Variants in PFKFB2 observed in about 807,000 individuals in gnomAD.
PFKFB2 encodes the protein 6-phosphofructo-2-kinase/fructose-2,6-bisphosphatase 2.
A neutral mutation model predicts 68.0 loss-of-function variants in PFKFB2; 53 were observed. The observed-to-expected ratio is 0.78, with a 90% CI of 0.63 to 0.98. PFKFB2 has a LOEUF of 0.98. Among genes scored for constraint, PFKFB2 ranks in the 50% least tolerant of loss-of-function variants. The pLI, the probability that PFKFB2 is intolerant of heterozygous loss-of-function variation, is 0.00. For missense variants in PFKFB2, 451 were observed against 642.0 expected (o/e 0.70, Z 3.22); for synonymous variants, 222 against 227.6 (o/e 0.98, Z 0.22).
At position 207,075,763 on chromosome 1, in the gene PFKFB2, T is replaced by C. The variant is rs1349014957; in HGVS notation, c.*3392T>C. On this transcript the variant is annotated 3_prime_UTR_variant, in exon 15 of 15. Coordinates refer to ENST00000367080, the MANE Select transcript of PFKFB2 (RefSeq NM_006212.2). ...CACCTCTAAAAAAGTTTTTTATAAA[T>C]TTACTTGTCTAAAGTGGGGAAAGGG... The C allele has an allele frequency of 1.1e-5, 11 of 983,834 alleles. No homozygotes were observed. Among genetic ancestry groups the C allele is most frequent in the Non-Finnish European group, 1.3e-5 (11 of 828,492 alleles). 60.9% of individuals were successfully genotyped at this position (983,834 alleles called of 1,614,324 possible). A position where few individuals can be genotyped will look rare whatever the true frequency, so the allele number is the denominator to read the frequency against.
chr1:207,070,264 C>T lies in PFKFB2; in HGVS notation c.1093-16C>T. ...GCACCTGGGCTCCTGCCAGCCTGCCCCATTTCCCTCCACAGTCATACCAGG... is the reference window on the plus strand; with the variant it reads ...GCACCTGGGCTCCTGCCAGCCTGCCTCATTTCCCTCCACAGTCATACCAGG... On this transcript the variant is annotated splice_polypyrimidine_tract_variant and intron_variant, in intron 11 of 14. Transcript: ENST00000367080. This position sits in a 1 kb window ranked among gnomAD's most constrained non-coding sequence, Gnocchi z 4.2. 6.2e-7 allele frequency: 1 copy of T among 1,612,306 alleles called. No homozygotes were observed. The highest frequency in any genetic ancestry group is 8.5e-7 in the Non-Finnish European group (1 of 1,179,730).
chr1:207,065,998 T>C (rs1020307174), intron 8 of PFKFB2, among the ~76,000 whole-genome samples: 5 of 152,234 alleles, frequency 3.3e-5, no homozygotes, highest in Non-Finnish European at 5.9e-5. Context: ...ATTTTACATA[T>C]ATTAATGCTT....
At chr1:207,053,197 A>C (rs577258923), upstream of PFKFB2, 1 of 152,286 alleles carries the variant, frequency 6.6e-6, no homozygotes, top group African/African-American at 2.4e-5. Flanking sequence ...TTGGTGGATG[A>C]TTCTCTCCAG....
At chr1:207,046,612 A>C (rs947229395) in intron 2 of PFKFB2, 2 of 152,146 alleles carry the variant, frequency 1.3e-5, no homozygotes, top group African/African-American at 4.8e-5. Flanking sequence ...ATCAGTGTCC[A>C]ACCGGTAAAT....
Position 207,070,585 on chromosome 1 carries a change from C to G in PFKFB2, c.1222+176C>G. On this transcript the variant is annotated intron_variant, in intron 12 of 14. Coordinates refer to ENST00000367080, the MANE Select transcript of PFKFB2 (RefSeq NM_006212.2). The surrounding 1 kb of genome is among the most constrained non-coding windows in gnomAD (Gnocchi z 4.2). ...GAGTCAATGACTTGCTGAGTTCACT[C>G]TGCTGCTACGAAAGCTTCCAATGGA... The G allele has an allele frequency of 6.3e-6, 4 of 630,512 alleles. No homozygotes were observed. The South Asian group carries it at 7.8e-5, about 12-fold the overall frequency. 39.1% of individuals were successfully genotyped at this position (630,512 alleles called of 1,614,324 possible). A position where few individuals can be genotyped will look rare whatever the true frequency, so the allele number is the denominator to read the frequency against.
chr1:207,043,427 G>T (rs1460393203), intron 2 of PFKFB2, among the ~76,000 whole-genome samples: 2 of 152,182 alleles, frequency 1.3e-5, no homozygotes, highest in African/African-American at 2.4e-5. Flanking sequence ...CTGGCCAATT[G>T]TAATAGCCAC....
chr1:207,049,927 T>G (rs2102327402), upstream of PFKFB2, among the ~76,000 whole-genome samples: 1 of 152,310 alleles, frequency 6.6e-6, no homozygotes, highest in South Asian at 2.1e-4. Context: ...CAAAAAACAC[T>G]TGAGGTTGCA....
In PFKFB2 at chr1:207,067,610, G is replaced by A; in HGVS notation, c.744G>A (p.Gln248=). 1 of 1,613,838 alleles carries A rather than the reference G, an allele frequency of 6.2e-7. No homozygotes were observed. Among genetic ancestry groups the A allele is most frequent in the Non-Finnish European group, 8.5e-7 (1 of 1,179,988 alleles). Residue 248 remains glutamine, a synonymous_variant, in exon 9 of 15, where the codon CAG becomes CAA. Coordinates refer to ENST00000367080, the MANE Select transcript of PFKFB2 (RefSeq NM_006212.2). ...IVYYLMNIHV[Q]PRTIYLCRHG... is the part of the protein sequence containing the mutation. ...ACTACCTCATGAATATCCACGTCCA[G>A]CCTCGCACCATTTACCTTTGCCGGC...
In PFKFB2 at chr1:207,075,027, A is replaced by C. The variant is rs2102286545; in HGVS notation, c.*2656A>C. 2 of 985,504 alleles carry C rather than the reference A, an allele frequency of 2.0e-6. No individual in the cohort carries two copies. The highest frequency in any genetic ancestry group is 3.5e-5 in the African/African-American group (2 of 57,372). 61.0% of individuals were successfully genotyped at this position (985,504 alleles called of 1,614,324 possible). On this transcript the variant is annotated 3_prime_UTR_variant, in exon 15 of 15. Coordinates refer to ENST00000367080, the MANE Select transcript of PFKFB2 (RefSeq NM_006212.2). ...GCATCTGTAGCCCAAATGGGCATTCAGTCTTTTCTTCTGCTGTGAGGTAAG... is the reference window on the plus strand; with the variant it reads ...GCATCTGTAGCCCAAATGGGCATTCCGTCTTTTCTTCTGCTGTGAGGTAAG...
In PFKFB2 at chr1:207,077,312, A is replaced by G. The variant is rs1427224003; in HGVS notation, c.*4941A>G. On this transcript the variant is annotated 3_prime_UTR_variant, in exon 15 of 15. Transcript: ENST00000367080. The stretch of plus-strand genomic sequence containing the variant: ...CTTAATCTAGTAAGTAAAAATGAGA[A>G]GAAAATTTGGCATTTAAAAATTGAT... 1.0e-6 allele frequency: 1 copy of G among 985,162 alleles called. No homozygotes were observed. The highest frequency in any genetic ancestry group is 1.2e-6 in the Non-Finnish European group (1 of 829,760). The allele number at this position is 985,162 out of a possible 1,614,324, so 61.0% of individuals were successfully genotyped here.
rs1060287 is a variant in PFKFB2, at chr1:207,077,111, C to T, written c.*4740C>T. On this transcript the variant is annotated 3_prime_UTR_variant, in exon 15 of 15. Transcript: ENST00000367080. ...AGCTAAGGGAATGCCTGTTCAGAGC[C>T]TGGAGTTGTTACCTTTACTTGAAGT... 451,006 of 983,412 alleles carry T rather than the reference C, an allele frequency of 0.46. 107,568 individuals carry two copies. The highest frequency in any genetic ancestry group is 0.74 in the East Asian group (6,547 of 8,798). The allele number at this position is 983,412 out of a possible 1,614,324, so 60.9% of individuals were successfully genotyped here. A position where few individuals can be genotyped will look rare whatever the true frequency, so the allele number is the denominator to read the frequency against.
At chr1:207,045,925 A>G (rs1682590808) in intron 2 of PFKFB2, 1 of 152,122 alleles carries the variant, frequency 6.6e-6, no homozygotes, top group Admixed American at 6.5e-5. Flanking sequence ...CCACTTGACT[A>G]TGCTAATTTC....
chr1:207,061,715 C>G (rs779653328), intron 2 of PFKFB2, among the ~76,000 whole-genome samples: 1 of 152,134 alleles, frequency 6.6e-6, no homozygotes, highest in Non-Finnish European at 1.5e-5. Context: ...AACCCCATCT[C>G]TACTGAAAAT....
chr1:207,068,404 A>G, intron 10 of PFKFB2, 95 bp downstream of exon 10: 1 of 1,092,174 alleles, frequency 9.2e-7, no homozygotes, highest in East Asian at 2.6e-5. Flanking sequence ...CTAGGAAACT[A>G]CAACCAACAA....
upstream of PFKFB2, among the ~76,000 whole-genome samples, chr1:207,049,928 T>G (rs1195865675): frequency 6.6e-6 from 1 of 152,186 alleles, no homozygotes; most frequent in Non-Finnish European, 1.5e-5. Context: ...AAAAAACACT[T>G]GAGGTTGCAT....
upstream of PFKFB2, chr1:207,050,961 G>A (rs780009774): frequency 1.3e-6 from 2 of 1,556,078 alleles, no homozygotes; most frequent in Non-Finnish European, 8.7e-7. Context: ...GCAGCCTGTT[G>A]GGAGACGCCG....
chr1:207,057,933 C>T (rs1682979156), intron 2 of PFKFB2, among the ~76,000 whole-genome samples: 1 of 152,170 alleles, frequency 6.6e-6, no homozygotes, highest in Non-Finnish European at 1.5e-5. Flanking sequence ...AGTGACCATT[C>T]TTACACGTAC....
chr1:207,045,559 A>G lies in PFKFB2; in HGVS notation c.-18+3347A>G, dbSNP rs571452889. ...AATGTGTCTCCACACATGAAAGAAC[A>G]TAATTCTTAGTATGTTTAGGAAGGC... On this transcript the variant is annotated intron_variant, in intron 2 of 5. Coordinates refer to the PFKFB2 transcript ENST00000545806. The G allele has an allele frequency of 6.6e-5, 10 of 152,414 alleles. No homozygotes were observed. In the South Asian group the frequency reaches 1.7e-3, roughly 25 times the overall value. 9.4% of individuals were successfully genotyped at this position (152,414 alleles called of 1,614,324 possible).
In PFKFB2 at chr1:207,066,658, C is replaced by CT. The variant is rs200809973; in HGVS notation, c.633-832dup. Among the ~76,000 whole-genome samples the CT allele has an allele frequency of 6.8e-3, 1,033 of 151,416 alleles. 18 individuals are homozygous for CT. The highest frequency in any genetic ancestry group is 0.024 in the African/African-American group (990 of 41,322). ...TTTGATTTAAAATAAGCACTTATGACTTTTTTTTTGAGATGGAGTCTCTCG... is the reference window on the plus strand; with the variant it reads ...TTTGATTTAAAATAAGCACTTATGACTTTTTTTTTTGAGATGGAGTCTCTCG... On this transcript the variant is annotated intron_variant, in intron 8 of 14. Coordinates refer to ENST00000367080, the MANE Select transcript of PFKFB2 (RefSeq NM_006212.2).
Sources: gnomAD v4.1 joint callset for allele counts (sites outside exome capture counted in the v4.1 genomes callset) on GRCh38, gnomAD v4.1.1 for gene constraint, Gnocchi (gnomAD v3.1) non-coding constraint, MANE v1.5 for transcripts, NCBI Gene and HGNC (gene_info 2026-07-23, HGNC 2026-07-21) for gene names.